CTNND2: variants seen among roughly 807,000 people sequenced by gnomAD.
CTNND2 encodes the protein catenin delta-2.
In CTNND2, 22 loss-of-function variants were observed where a neutral mutation model predicts 144.4. The ratio of observed to expected loss-of-function variants is 0.15; its 90% CI spans 0.11 to 0.22. The LOEUF is 0.22. CTNND2 is among the 10% of genes least tolerant of loss of function. CTNND2 has a pLI of 1.00. For missense variants in CTNND2, 1,353 were observed against 1,618.8 expected (o/e 0.84, Z 2.82); for synonymous variants, 751 against 695.6 (o/e 1.08, Z -1.25).
intron 16 of CTNND2, among the ~76,000 whole-genome samples, chr5:11,033,918 A>T (rs1255289234): frequency 1.3e-5 from 2 of 152,226 alleles, no homozygotes; most frequent in African/African-American, 2.4e-5. Context: ...TTAAATTAAC[A>T]GCCTTGGTAG....
chr5:11,734,370 A>C (rs576127769), intron 1 of CTNND2, among the ~76,000 whole-genome samples: 12 of 152,306 alleles, frequency 7.9e-5, no homozygotes, highest in African/African-American at 2.9e-4. Flanking sequence ...GAGAGGGACC[A>C]GGTGGGAGGT....
intron 8 of CTNND2, among the ~76,000 whole-genome samples, chr5:11,351,048 A>G (rs1035365587): frequency 6.6e-6 from 1 of 152,224 alleles, no homozygotes; most frequent in Non-Finnish European, 1.5e-5. Flanking sequence ...AACTATTTAG[A>G]CATTGATGTG....
chr5:11,722,896 A>G (rs1786767438), intron 2 of CTNND2, among the ~76,000 whole-genome samples: 1 of 152,230 alleles, frequency 6.6e-6, no homozygotes, highest in Admixed American at 6.5e-5. Context: ...AAAAATAAAT[A>G]GTAAACACAA....
intron 3 of CTNND2, among the ~76,000 whole-genome samples, chr5:11,544,164 A>G (rs1430960535): frequency 2.0e-5 from 3 of 152,062 alleles, no homozygotes; most frequent in Admixed American, 2.0e-4. Flanking sequence ...CCATTATTCC[A>G]AGGCAGATTT....
At position 11,270,638 on chromosome 5, in the gene CTNND2, G is replaced by A. The variant is rs113919077; in HGVS notation, c.1629-33815C>T. The stretch of plus-strand genomic sequence containing the variant: ...TCCCTGCTTCAACACATGGTACCAT[G>A]AGAAGCAGCATTAGAAAGGATCAAG... On this transcript the variant is annotated intron_variant, in intron 9 of 21. Transcript: ENST00000304623. 5.6e-3 allele frequency among the ~76,000 whole-genome samples: 853 copies of A among 152,280 alleles called. 10 individuals carry two copies. Among genetic ancestry groups the A allele is most frequent in the African/African-American group, 0.019 (797 of 41,560 alleles).
chr5:11,021,158 C>T (rs1742208665), intron 17 of CTNND2, among the ~76,000 whole-genome samples: 1 of 152,000 alleles, frequency 6.6e-6, no homozygotes, highest in Non-Finnish European at 1.5e-5. Flanking sequence ...CTCAATAAAA[C>T]TTTTTTTTCT....
intron 6 of CTNND2, among the ~76,000 whole-genome samples, chr5:11,392,976 C>T (rs920836151): frequency 3.3e-5 from 5 of 152,106 alleles, no homozygotes; most frequent in Admixed American, 6.5e-5. Context: ...GGAACTTGCT[C>T]TTCCTTCAAC....
intron 9 of CTNND2, among the ~76,000 whole-genome samples, chr5:11,338,494 T>TATAC (rs767084362): frequency 5.9e-5 from 9 of 152,148 alleles, no homozygotes; most frequent in Non-Finnish European, 1.2e-4. Flanking sequence ...GGAAGGTCTG[T>TATAC]ATACGAGAGC....
chr5:11,378,950 A>G (rs1758212220), intron 7 of CTNND2, among the ~76,000 whole-genome samples: 1 of 152,220 alleles, frequency 6.6e-6, no homozygotes, highest in South Asian at 2.1e-4. Context: ...GGCCTTGACC[A>G]AATTCCTCTC....
At chr5:11,613,710 T>C (rs569974603) in intron 2 of CTNND2, among the ~76,000 whole-genome samples, 13 of 152,306 alleles carry the variant, frequency 8.5e-5, no homozygotes, top group African/African-American at 3.1e-4. Context: ...TCTCAGCTCT[T>C]GGGTCATCTC....
intron 10 of CTNND2, among the ~76,000 whole-genome samples, chr5:11,218,812 G>A (rs994650797): frequency 6.6e-6 from 1 of 152,164 alleles, no homozygotes; most frequent in Non-Finnish European, 1.5e-5. Flanking sequence ...AGTTAATACA[G>A]ATGTCACCAG....
At chr5:11,181,311 G>A (rs1448842288) in intron 11 of CTNND2, among the ~76,000 whole-genome samples, 1 of 152,190 alleles carries the variant, frequency 6.6e-6, no homozygotes, top group Non-Finnish European at 1.5e-5. Context: ...TGTAATGCAA[G>A]GGGCAGTGAG....
At chr5:11,301,842 G>A (rs1365571983) in intron 9 of CTNND2, among the ~76,000 whole-genome samples, 2 of 152,096 alleles carry the variant, frequency 1.3e-5, no homozygotes, top group Non-Finnish European at 2.9e-5. Context: ...CAAATTTTTG[G>A]AGACTTAATT....
intron 11 of CTNND2, among the ~76,000 whole-genome samples, chr5:11,172,504 T>G (rs1760031773): frequency 6.6e-6 from 1 of 152,228 alleles, no homozygotes; most frequent in Admixed American, 6.5e-5. Flanking sequence ...AGCAAACCAC[T>G]AAAGAATTCA....
rs553088129 is a variant in CTNND2 at position 11,881,658 on chromosome 5, C to T, written c.37+22159G>A. On this transcript the variant is annotated intron_variant, in intron 1 of 21. Coordinates refer to ENST00000304623, the MANE Select transcript of CTNND2 (RefSeq NM_001332.4). The stretch of plus-strand genomic sequence containing the variant: ...ATTCATCCATCAATAGACATTTAGG[C>T]TGATATCATATATTGTTTATTGTGA... 2.6e-5 allele frequency among the ~76,000 whole-genome samples: 4 copies of T among 152,034 alleles called. No individual in the cohort carries two copies. In the South Asian group the frequency reaches 8.3e-4, roughly 32 times the overall value.
chr5:11,098,087 A>G (rs1203388960), intron 15 of CTNND2, among the ~76,000 whole-genome samples: 1 of 152,160 alleles, frequency 6.6e-6, no homozygotes, highest in Non-Finnish European at 1.5e-5. Context: ...AACTAACAAT[A>G]CTATTCTTCT....
rs151335757 is a variant in CTNND2, at chr5:11,046,234, T to A, written c.2789-23255A>T. ...GGCTCCTAATCCAATATGACAGAGA[T>A]CCTTACAGAAAGGGGAAATTTGGAT... On this transcript the variant is annotated intron_variant, in intron 16 of 21. Coordinates refer to ENST00000304623, the MANE Select transcript of CTNND2 (RefSeq NM_001332.4). 2.1e-3 allele frequency among the ~76,000 whole-genome samples: 323 copies of A among 152,164 alleles called. 2 individuals carry two copies. The highest frequency in any genetic ancestry group is 7.2e-3 in the African/African-American group (297 of 41,506).
chr5:11,191,632 G>T (rs1473002789), intron 11 of CTNND2, among the ~76,000 whole-genome samples: 1 of 152,196 alleles, frequency 6.6e-6, no homozygotes, highest in African/African-American at 2.4e-5. Context: ...TGCGGGCAGA[G>T]GGCATCAGGG....
At chr5:10,992,055 T>C (rs113990974) in intron 19 of CTNND2, among the ~76,000 whole-genome samples, 18,081 of 152,178 alleles carry the variant, frequency 0.12, 1,152 homozygotes, top group Non-Finnish European at 0.14. Context: ...GTAGCTGGGA[T>C]TACAGGCGTG....
Sources: gnomAD v4.1 joint callset for allele counts (sites outside exome capture counted in the v4.1 genomes callset) on GRCh38, gnomAD v4.1.1 for gene constraint, MANE v1.5 for transcripts, NCBI Gene and HGNC (gene_info 2026-07-23, HGNC 2026-07-21) for gene names.